Variants in TRPM5 observed in about 807,000 individuals in gnomAD.
TRPM5 encodes the protein MLSN1 and TRP-related.
Under a neutral mutation model 124.9 loss-of-function variants are expected in TRPM5, and 121 were observed. That is an observed-to-expected ratio of 0.97 (90% CI 0.84 to 1.13). The LOEUF (loss-of-function observed/expected upper bound fraction) is 1.13, where lower values mean the gene tolerates loss of function less well. Among genes scored for constraint, TRPM5 ranks in the 50% most tolerant of loss-of-function variants. TRPM5 has a pLI of 0.00. For synonymous variants in TRPM5, 781 were observed against 700.5 expected (o/e 1.11, Z -1.81); for missense variants, 1,643 against 1,589.1 (o/e 1.03, Z -0.58).
chr11:2,406,738 C>T (rs1850331137), exon 21 of TRPM5: 1 of 1,613,598 alleles, frequency 6.2e-7, no homozygotes, highest in Non-Finnish European at 8.5e-7. Flanking sequence ...AGTTCTCCTT[C>T]TGGACTGTCT....
chr11:2,415,531 AG>A (rs1264544899), intron 8 of TRPM5, 60 bp from the exon 14 acceptor site: 2 of 1,182,560 alleles, frequency 1.7e-6, no homozygotes, highest in Admixed American at 4.9e-5. Context: ...AGACAGGAGG[AG>A]GGGGTCCAAG....
At chr11:2,427,165 A>T (rs1845846889), upstream of TRPM5, among the ~76,000 whole-genome samples, 1 of 152,198 alleles carries the variant, frequency 6.6e-6, no homozygotes, top group African/African-American at 2.4e-5. Context: ...CCTGCTAAAG[A>T]TAAGGAAACT....
At position 2,415,890 on chromosome 11, in the gene TRPM5, C is replaced by A. The variant is rs755119263; in HGVS notation, c.1128+16G>T. On this transcript the variant is annotated intron_variant, in intron 8 of 23. Coordinates refer to ENST00000155858, the Ensembl canonical transcript of TRPM5. ...GTGCCATGATGGGGAGGTGGGTAGG[C>A]AGGGCTGGGAGGCACCTTCCACTCC... 1.3e-6 allele frequency: 2 copies of A among 1,538,562 alleles called. No individual in the cohort carries two copies. Among genetic ancestry groups the A allele is most frequent in the East Asian group, 2.4e-5 (1 of 42,224 alleles).
At chr11:2,411,224 C>T in intron 18 of TRPM5, 128 bp downstream of exon 23, 2 of 1,187,152 alleles carry the variant, frequency 1.7e-6, no homozygotes, top group South Asian at 3.5e-5. Flanking sequence ...AGCCACTTCT[C>T]CCATCTCTGC....
chr11:2,439,719 C>G, the TRPM5 span, among the ~76,000 whole-genome samples: 1 of 152,238 alleles, frequency 6.6e-6, no homozygotes, highest in South Asian at 2.1e-4. Context: ...CGCTTATACA[C>G]TGTGGGTGGG....
At chr11:2,414,015 C>CCCCCCCCCCCCCCCCCCCCCCCCCCA in intron 12 of TRPM5, 46 bp downstream of exon 17, 1 of 752,950 alleles carries the variant, frequency 1.3e-6, no homozygotes, top group Non-Finnish European at 2.1e-6. Context: ...GCTCGCCCGC[C>CCCCCCCCCCCCCCCCCCCCCCCCCCA]CACCCCACCC....
chr11:2,415,782 C>G (rs1484990529), intron 8 of TRPM5, 124 bp downstream of exon 13: 5 of 752,390 alleles, frequency 6.6e-6, no homozygotes, highest in Admixed American at 2.4e-5. Context: ...GGTCTTGCCC[C>G]GGACCTTGGG....
intron 7 of TRPM5, 122 bp from the exon 13 acceptor site, chr11:2,416,146 TGAG>T (rs141432890): frequency 0.045 from 29,254 of 657,106 alleles, 852 homozygotes; most frequent in Non-Finnish European, 0.054. Context: ...CGCTGGGACT[TGAG>T]GGGGCACATG....
At chr11:2,406,947 C>T (rs992121976) in intron 20 of TRPM5, among the ~76,000 whole-genome samples, 154 bp from the exon 26 acceptor site, 12 of 152,304 alleles carry the variant, frequency 7.9e-5, no homozygotes, top group African/African-American at 2.9e-4. Flanking sequence ...CAAGGACGGC[C>T]AAGCTGCGGG....
the TRPM5 span, among the ~76,000 whole-genome samples, chr11:2,442,382 C>T: frequency 1.1e-5 from 1 of 89,786 alleles, no homozygotes; most frequent in African/African-American, 9.7e-5. The surrounding 1 kb of genome is among the most constrained non-coding windows in gnomAD (Gnocchi z 5.9). Flanking sequence ...TTGATACACA[C>T]ACACACACAC....
intron 9 of TRPM5, 25 bp from the exon 15 acceptor site, chr11:2,415,072 C>G (rs370352800): frequency 6.3e-7 from 1 of 1,591,894 alleles, no homozygotes; most frequent in Non-Finnish European, 8.5e-7. Context: ...CGTCGGCCTC[C>G]TGCTGCGGCC....
At chr11:2,420,438 T>A (rs749314414) in intron 3 of TRPM5, 33 bp from the exon 9 acceptor site, 5 of 1,550,178 alleles carry the variant, frequency 3.2e-6, no homozygotes, top group Middle Eastern at 3.6e-4. Flanking sequence ...GGCTGAGCCC[T>A]CGAGAGGCAG....
the TRPM5 span, among the ~76,000 whole-genome samples, chr11:2,430,095 T>C: frequency 2.4e-3 from 363 of 152,288 alleles, 4 homozygotes; most frequent in African/African-American, 8.4e-3. Flanking sequence ...TCTGGTTCAG[T>C]GCCAGGTCAT....
At chr11:2,437,002 A>G in the TRPM5 span, among the ~76,000 whole-genome samples, 1 of 152,226 alleles carries the variant, frequency 6.6e-6, no homozygotes, top group Admixed American at 6.5e-5. This position sits in a 1 kb window ranked among gnomAD's most constrained non-coding sequence, Gnocchi z 5.6. Context: ...GCCACCAGCC[A>G]TGAGCCCACA....
At chr11:2,410,188 C>T (rs1401658445) in intron 18 of TRPM5, among the ~76,000 whole-genome samples, 4 of 152,180 alleles carry the variant, frequency 2.6e-5, no homozygotes, top group East Asian at 1.9e-4. Context: ...GGAGGGGCTG[C>T]GGGGGCTGAG....
chr11:2,436,018 C>T, the TRPM5 span, among the ~76,000 whole-genome samples: 1 of 152,240 alleles, frequency 6.6e-6, no homozygotes, highest in Admixed American at 6.5e-5. Flanking sequence ...AGCGTATCTC[C>T]CAGAAGAGGT....
At chr11:2,421,491 C>T (rs1278388138) in intron 2 of TRPM5, among the ~76,000 whole-genome samples, 1 of 152,228 alleles carries the variant, frequency 6.6e-6, no homozygotes, top group African/African-American at 2.4e-5. Context: ...CCCTCCGGGA[C>T]ACATCCGACA....
chr11:2,410,492 G>C (rs1469078629), intron 18 of TRPM5, among the ~76,000 whole-genome samples: 2 of 152,120 alleles, frequency 1.3e-5, no homozygotes, highest in African/African-American at 2.4e-5. Flanking sequence ...GGCCCCAGGG[G>C]CGGGCTGGCT....
the TRPM5 span, among the ~76,000 whole-genome samples, chr11:2,438,455 A>G: frequency 6.6e-6 from 1 of 152,164 alleles, no homozygotes; most frequent in South Asian, 2.1e-4. This position sits in a 1 kb window ranked among gnomAD's most constrained non-coding sequence, Gnocchi z 5.9. Context: ...ACTTGAATCC[A>G]GGAGTTCGAG....
Sources: gnomAD v4.1 joint callset for allele counts (sites outside exome capture counted in the v4.1 genomes callset) on GRCh38, gnomAD v4.1.1 for gene constraint, Gnocchi (gnomAD v3.1) non-coding constraint, MANE v1.5 for transcripts, NCBI Gene and HGNC (gene_info 2026-07-23, HGNC 2026-07-21) for gene names.